The following CASZ1 variants were observed in gnomAD, a reference collection of about 807,000 sequenced individuals.
CASZ1 encodes the protein castor zinc finger 1.
CASZ1 carries 28 observed loss-of-function variants against 135.2 expected under a neutral mutation model. The observed-to-expected ratio is 0.21, with a 90% CI of 0.15 to 0.28. The LOEUF is 0.28. Among genes scored for constraint, CASZ1 ranks in the 10% least tolerant of loss-of-function variants. The pLI is 1.00. For synonymous variants in CASZ1, 1,068 were observed against 1,073.4 expected (o/e 0.99, Z 0.10); for missense variants, 2,161 against 2,453.3 (o/e 0.88, Z 2.52).
chr1:10,763,582 C>G (rs1640417957), intron 1 of CASZ1, among the ~76,000 whole-genome samples: 1 of 152,198 alleles, frequency 6.6e-6, no homozygotes, highest in African/African-American at 2.4e-5. Flanking sequence ...CCCACACACC[C>G]CTGACTCTGC....
intron 1 of CASZ1, among the ~76,000 whole-genome samples, chr1:10,785,959 G>T (rs149302280): frequency 1.5e-3 from 231 of 152,334 alleles, no homozygotes; most frequent in African/African-American, 4.7e-3. Context: ...GGAAACAAAG[G>T]CTTCGAGGAA....
intron 4 of CASZ1, among the ~76,000 whole-genome samples, chr1:10,667,038 C>A (rs1643258312): frequency 1.3e-5 from 2 of 152,192 alleles, no homozygotes; most frequent in Non-Finnish European, 2.9e-5. Flanking sequence ...AGGGCAGGGC[C>A]CCCCGGCTCC....
chr1:10,792,852 T>C (rs543130772), intron 1 of CASZ1, among the ~76,000 whole-genome samples: 1 of 152,206 alleles, frequency 6.6e-6, no homozygotes, highest in South Asian at 2.1e-4. Context: ...GTGACAATTT[T>C]CCCCAAAAAA....
rs372540625 is a variant in CASZ1 at position 10,665,257 on chromosome 1, G to C, written c.331C>G (p.Arg111Gly). 6.2e-7 allele frequency: 1 copy of C among 1,607,766 alleles called. No homozygotes were observed. Among genetic ancestry groups the C allele is most frequent in the Non-Finnish European group, 8.5e-7 (1 of 1,176,196 alleles). Reference protein sequence around the residue: ...APTPVLGRIAREGLELPPEGV... With the variant: ...APTPVLGRIAGEGLELPPEGV... ...TCGGGAGGCAGCTCCAGGCCCTCGCGGGCAATCCGCCCCAACACGGGTGTG... is the reference window on the plus strand; with the variant it reads ...TCGGGAGGCAGCTCCAGGCCCTCGCCGGCAATCCGCCCCAACACGGGTGTG... Residue 111 changes from arginine (R) to glycine (G), a missense_variant, in exon 5 of 21, where the codon CGC becomes GGC. By Grantham distance (125) the Arg-to-Gly change is moderately radical. Coordinates refer to ENST00000377022, the MANE Select transcript of CASZ1 (RefSeq NM_001079843.3).
In CASZ1 at chr1:10,720,182, T is replaced by C. The variant is rs1422173376; in HGVS notation, c.-76-14638A>G. On this transcript the variant is annotated intron_variant, in intron 2 of 20. Transcript: ENST00000377022. This position sits in a 1 kb window ranked among gnomAD's most constrained non-coding sequence, Gnocchi z 5.7. ...TTCCTTGTCTATAAAATGCACGCGA[T>C]GATCGTGCCTGTCGCAGGGGGCTGT... is the stretch of plus-strand genomic sequence containing the variant. 6.6e-6 allele frequency among the ~76,000 whole-genome samples: 1 copy of C among 152,350 alleles called. No homozygotes were observed. The highest frequency in any genetic ancestry group is 1.5e-5 in the Non-Finnish European group (1 of 68,032).
intron 1 of CASZ1, among the ~76,000 whole-genome samples, chr1:10,779,327 A>C (rs1295529370): frequency 1.4e-5 from 2 of 143,906 alleles, no homozygotes; most frequent in Non-Finnish European, 3.0e-5. Flanking sequence ...GGTTTTGGGC[A>C]AAGGACAAAA....
At chr1:10,683,809 CT>C (rs1638501812) in intron 4 of CASZ1, among the ~76,000 whole-genome samples, 2 of 152,238 alleles carry the variant, frequency 1.3e-5, no homozygotes, top group African/African-American at 4.8e-5. Flanking sequence ...CAAAATGCAT[CT>C]GCATCAACAA....
rs200259210 is a variant in CASZ1, at chr1:10,639,131, G to A, written c.5091C>T (p.Asp1697=). Residue 1697 remains aspartate (D), a synonymous_variant, in exon 21 of 21, where the codon GAC becomes GAT. Transcript: ENST00000377022. The surrounding 1 kb of genome is among the most constrained non-coding windows in gnomAD (Gnocchi z 4.0). The part of the protein sequence containing the change: ...EEAEDDEDED[D]DEDDDDEDDD... Reference sequence around the variant, plus strand: ...CGTCCTCGTCGTCGTCGTCCTCGTCGTCGTCCTCGTCCTCGTCGTCTTCGG... The same window carrying A: ...CGTCCTCGTCGTCGTCGTCCTCGTCATCGTCCTCGTCCTCGTCGTCTTCGG... The A allele has an allele frequency of 3.5e-6, 4 of 1,133,364 alleles. No individual in the cohort carries two copies. Among genetic ancestry groups the A allele is most frequent in the South Asian group, 2.2e-5 (1 of 44,872 alleles). The allele number at this position is 1,133,364 out of a possible 1,614,324, so 70.2% of individuals were successfully genotyped here. A position where few individuals can be genotyped will look rare whatever the true frequency, so the allele number is the denominator to read the frequency against.
Position 10,707,686 on chromosome 1 carries a change from C to T in CASZ1, c.-76-2142G>A, listed in dbSNP as rs141408517. Among the ~76,000 whole-genome samples the T allele has an allele frequency of 3.1e-4, 47 of 152,186 alleles. No individual in the cohort carries two copies. The highest frequency in any genetic ancestry group is 1.1e-3 in the African/African-American group (44 of 41,516). ...ATCTGGGACCCTGGGATACTGGGAC[C>T]CCAGTGGGGGCCTAAGAAGTAGCTG... On this transcript the variant is annotated intron_variant, in intron 2 of 20. Coordinates refer to ENST00000377022, the MANE Select transcript of CASZ1 (RefSeq NM_001079843.3). The surrounding 1 kb of genome is among the most constrained non-coding windows in gnomAD (Gnocchi z 5.0).
intron 4 of CASZ1, among the ~76,000 whole-genome samples, chr1:10,677,484 G>A (rs1310290694): frequency 2.6e-5 from 4 of 152,206 alleles, no homozygotes; most frequent in Non-Finnish European, 5.9e-5. Context: ...CAGGGGTGTG[G>A]CAAGTGGCTC....
intron 2 of CASZ1, among the ~76,000 whole-genome samples, chr1:10,737,399 G>A (rs945800202): frequency 3.3e-5 from 5 of 152,196 alleles, no homozygotes; most frequent in African/African-American, 1.2e-4. Flanking sequence ...CCACCGGAGC[G>A]GTGAAGTGAG....
intron 4 of CASZ1, among the ~76,000 whole-genome samples, chr1:10,671,245 G>GA (rs1643388027): frequency 6.6e-6 from 1 of 151,836 alleles, no homozygotes; most frequent in South Asian, 2.1e-4. Context: ...AGGAAGGGGA[G>GA]AAAAAAGAGA....
At chr1:10,652,433 G>A (rs1188532827) in intron 11 of CASZ1, 1 of 152,276 alleles carries the variant, frequency 6.6e-6, no homozygotes, top group African/African-American at 2.4e-5. Flanking sequence ...CTCTCAGCAA[G>A]CATCAGTGGT....
At chr1:10,688,273 CTCTA>C (rs1162903891) in intron 4 of CASZ1, among the ~76,000 whole-genome samples, 3 of 152,232 alleles carry the variant, frequency 2.0e-5, no homozygotes, top group Non-Finnish European at 2.9e-5. Flanking sequence ...CCAGCAGCTT[CTCTA>C]TCTTTTTCCA....
intron 1 of CASZ1, among the ~76,000 whole-genome samples, chr1:10,783,871 CAAA>C (rs34487572): frequency 0.013 from 1,015 of 78,938 alleles, 9 homozygotes; most frequent in African/African-American, 0.046. Flanking sequence ...GACTCCGTCT[CAAA>C]AAAAAAAAAA....
Position 10,711,901 on chromosome 1 carries a change from A to T in CASZ1, c.-76-6357T>A, listed in dbSNP as rs970935176. ...AGGCAAATCCACAGAGACAGAAAGC[A>T]GTGGTTGCCAGGGACTGGGGGAAGG... On this transcript the variant is annotated intron_variant, in intron 2 of 20. Transcript: ENST00000377022. The surrounding 1 kb of genome is among the most constrained non-coding windows in gnomAD (Gnocchi z 4.4). Among the ~76,000 whole-genome samples the T allele has an allele frequency of 1.3e-5, 2 of 152,204 alleles. No individual in the cohort carries two copies. Among genetic ancestry groups the T allele is most frequent in the Non-Finnish European group, 2.9e-5 (2 of 68,032 alleles).
chr1:10,665,635 C>G lies in CASZ1; in HGVS notation c.17-64G>C, dbSNP rs41274490. 6,266 of 1,457,736 alleles carry G rather than the reference C, an allele frequency of 4.3e-3. 19 individuals carry two copies. The highest frequency in any genetic ancestry group is 4.9e-3 in the Non-Finnish European group (5,476 of 1,106,816). The allele number at this position is 1,457,736 out of a possible 1,614,324, so 90.3% of individuals were successfully genotyped here. ...CAAGGCCAAGAACAACCCACCCTCC[C>G]GAACAGCCCTGCATCCCCCAAGCTG... is the stretch of plus-strand genomic sequence containing the variant. On this transcript the variant is annotated intron_variant, in intron 4 of 20. Coordinates refer to ENST00000377022, the MANE Select transcript of CASZ1 (RefSeq NM_001079843.3).
chr1:10,645,344 A>C (rs1447074203), intron 17 of CASZ1, among the ~76,000 whole-genome samples: 1 of 152,166 alleles, frequency 6.6e-6, no homozygotes, highest in East Asian at 1.9e-4. Flanking sequence ...TCCTGGCTAA[A>C]GAGGTGAAAC....
At chr1:10,654,282 C>T (rs1642712033) in intron 10 of CASZ1, 64 bp from the exon 11 acceptor site, 28 of 1,589,898 alleles carry the variant, frequency 1.8e-5, no homozygotes, top group Non-Finnish European at 2.4e-5. Flanking sequence ...TACACCATGG[C>T]CCTGGGAGGG....
Sources: allele counts gnomAD v4.1 joint callset (sites outside exome capture counted in the v4.1 genomes callset), GRCh38; gene constraint gnomAD v4.1.1; non-coding constraint Gnocchi (gnomAD v3.1); transcripts MANE v1.5; gene names NCBI Gene and HGNC (gene_info 2026-07-23, HGNC 2026-07-21).